HHIPL2: variants seen among roughly 807,000 people sequenced by gnomAD.
The protein encoded by HHIPL2 is HHIP-like protein 2.
In HHIPL2, 61 loss-of-function variants were observed where a neutral mutation model predicts 61.0. That is an observed-to-expected ratio of 1.00 (90% CI 0.81 to 1.24). The LOEUF is 1.24. Ranked by LOEUF, HHIPL2 falls within the 50% of genes most tolerant of loss-of-function variation. The pLI is 0.00. For missense variants in HHIPL2, 885 were observed against 910.2 expected (o/e 0.97, Z 0.36); for synonymous variants, 343 against 357.4 (o/e 0.96, Z 0.45).
At chr1:222,535,046 C>G (rs914798126) in intron 5 of HHIPL2, among the ~76,000 whole-genome samples, 2 of 151,836 alleles carry the variant, frequency 1.3e-5, no homozygotes, top group Non-Finnish European at 2.9e-5. Context: ...TTGCACAAAA[C>G]TAATGATAAA....
rs1259822659 is a variant in HHIPL2 at position 222,543,954 on chromosome 1, C to T, written c.557G>A (p.Arg186Lys). Residue 186 changes from arginine to lysine, a missense_variant, in exon 2 of 9, where the codon AGG becomes AAG. Arg to Lys is a conservative substitution (Grantham distance 26). Coordinates refer to ENST00000343410, the MANE Select transcript of HHIPL2 (RefSeq NM_024746.4). Reference sequence around the variant, plus strand: ...CAGGTGGCGGTTGAGATAGTCGTTCCTCAGGACATTAGGGAAGCAATAGTC... The same window carrying T: ...CAGGTGGCGGTTGAGATAGTCGTTCTTCAGGACATTAGGGAAGCAATAGTC... Reference protein sequence around the residue: ...DKDYCFPNVLRNDYLNRHLGM... With the variant: ...DKDYCFPNVLKNDYLNRHLGM... 1 of 1,614,202 alleles carries T rather than the reference C, an allele frequency of 6.2e-7. No homozygotes were observed. The highest frequency in any genetic ancestry group is 8.5e-7 in the Non-Finnish European group (1 of 1,180,040).
intron 4 of HHIPL2, among the ~76,000 whole-genome samples, chr1:222,539,572 A>AT (rs1461104047): frequency 4.0e-5 from 6 of 151,822 alleles, no homozygotes; most frequent in African/African-American, 1.2e-4. Context: ...AGAAAAAAAA[A>AT]GAAAAGAAAG....
chr1:222,544,879 G>A (rs952081047), intron 1 of HHIPL2, among the ~76,000 whole-genome samples: 3 of 152,160 alleles, frequency 2.0e-5, no homozygotes, highest in African/African-American at 7.2e-5. Flanking sequence ...CAGAGATTAG[G>A]TGTTTAGCAA....
chr1:222,534,593 A>AAAAT (rs1553270416), intron 5 of HHIPL2, among the ~76,000 whole-genome samples: 9,596 of 148,382 alleles, frequency 0.065, 880 homozygotes, highest in East Asian at 0.26. Flanking sequence ...AAAAAAAAAA[A>AAAAT]AAAAATTACA....
chr1:222,531,222 G>T (rs1263860170), intron 6 of HHIPL2, among the ~76,000 whole-genome samples: 1 of 152,120 alleles, frequency 6.6e-6, no homozygotes, highest in Non-Finnish European at 1.5e-5. Context: ...GCAAGGTCAG[G>T]AAAGAACCTG....
chr1:222,542,255 T>G lies in HHIPL2; in HGVS notation c.975-100A>C, dbSNP rs1225708325. On this transcript the variant is annotated intron_variant, in intron 2 of 8. Coordinates refer to ENST00000343410, the MANE Select transcript of HHIPL2 (RefSeq NM_024746.4). ...ATGACTGGGCCAAGCCACCGAGATT[T>G]GCCAAGCCAGCCAAGACCTGCTTCT... 2.1e-6 allele frequency: 3 copies of G among 1,425,912 alleles called. No homozygotes were observed. In the African/African-American group the frequency reaches 4.3e-5, roughly 21 times the overall value. The allele number at this position is 1,425,912 out of a possible 1,614,324, so 88.3% of individuals were successfully genotyped here. A position where few individuals can be genotyped will look rare whatever the true frequency, so the allele number is the denominator to read the frequency against.
At chr1:222,523,929 A>C (rs1007706521) in intron 7 of HHIPL2, 2 of 521,872 alleles carry the variant, frequency 3.8e-6, no homozygotes, top group Non-Finnish European at 6.9e-6. Context: ...AGTTAGGAGT[A>C]TGGGCATGGT....
rs560361302 is a variant in HHIPL2, at chr1:222,537,877, C to T, written c.1577+771G>A. On this transcript the variant is annotated intron_variant, in intron 5 of 8. Transcript: ENST00000343410. The stretch of plus-strand genomic sequence containing the variant: ...AAACACTAAGAGACAGGTAAATATG[C>T]AAGATCTCTACACTGAAGACTATAA... 2.0e-5 allele frequency among the ~76,000 whole-genome samples: 3 copies of T among 151,976 alleles called. No homozygotes were observed. In the South Asian group the frequency reaches 6.2e-4, roughly 32 times the overall value.
chr1:222,536,810 G>A (rs1242635590), intron 5 of HHIPL2, among the ~76,000 whole-genome samples: 4 of 152,056 alleles, frequency 2.6e-5, no homozygotes, highest in Non-Finnish European at 4.4e-5. Context: ...AGCACTTTGG[G>A]AGGCCAAGGT....
intron 1 of HHIPL2, among the ~76,000 whole-genome samples, chr1:222,546,919 G>A (rs1311381214): frequency 2.0e-5 from 3 of 152,198 alleles, no homozygotes; most frequent in African/African-American, 7.2e-5. Context: ...TCAAAAGGCT[G>A]CCTGGACTTC....
chr1:222,534,591 A>ATAAAAAT (rs1267013502), intron 5 of HHIPL2, among the ~76,000 whole-genome samples: 1 of 150,414 alleles, frequency 6.6e-6, no homozygotes, highest in African/African-American at 2.5e-5. Context: ...AAAAAAAAAA[A>ATAAAAAT]AAAAAAATTA....
intron 5 of HHIPL2, among the ~76,000 whole-genome samples, chr1:222,532,866 G>A (rs927900811): frequency 1.3e-5 from 2 of 152,040 alleles, no homozygotes; most frequent in African/African-American, 2.4e-5. Flanking sequence ...ACTACTAACT[G>A]TTATTATTAT....
chr1:222,529,907 T>C (rs1659152412), intron 6 of HHIPL2, among the ~76,000 whole-genome samples: 1 of 151,986 alleles, frequency 6.6e-6, no homozygotes, highest in Non-Finnish European at 1.5e-5. Flanking sequence ...AGTGGACTGA[T>C]AATAAAATAA....
chr1:222,529,010 C>T (rs1457997767), intron 6 of HHIPL2, among the ~76,000 whole-genome samples: 3 of 151,728 alleles, frequency 2.0e-5, no homozygotes, highest in Non-Finnish European at 1.5e-5. Flanking sequence ...TTTGTAGAGA[C>T]GGGGTTTCCC....
chr1:222,522,494 C>G lies in HHIPL2; in HGVS notation c.*107G>C, dbSNP rs1224497488. 1.6e-6 allele frequency: 2 copies of G among 1,261,510 alleles called. No homozygotes were observed. Among genetic ancestry groups the G allele is most frequent in the Non-Finnish European group, 2.2e-6 (2 of 911,042 alleles). The allele number at this position is 1,261,510 out of a possible 1,614,324, so 78.1% of individuals were successfully genotyped here. A position where few individuals can be genotyped will look rare whatever the true frequency, so the allele number is the denominator to read the frequency against. ...AGAGGAAAACCGCCCTGCCCCACCT[C>G]TACCCTGGCTTCCCAGACTTCTAAG... On this transcript the variant is annotated 3_prime_UTR_variant, in exon 9 of 9. Coordinates refer to ENST00000343410, the MANE Select transcript of HHIPL2 (RefSeq NM_024746.4).
Position 222,537,265 on chromosome 1 carries a change from T to A in HHIPL2, c.1577+1383A>T, listed in dbSNP as rs967122207. 2.6e-5 allele frequency among the ~76,000 whole-genome samples: 4 copies of A among 151,290 alleles called. No individual in the cohort carries two copies. The East Asian group carries it at 7.8e-4, about 30-fold the overall frequency. ...TCAAAGGACTAGAAATAAAAGAAAA[T>A]GTCCCCAGCCTGATAAAGGGTGTAT... On this transcript the variant is annotated intron_variant, in intron 5 of 8. Transcript: ENST00000343410.
intron 5 of HHIPL2, 52 bp downstream of exon 5, chr1:222,538,596 A>C (rs745378711): frequency 5.9e-6 from 9 of 1,521,008 alleles, no homozygotes; most frequent in Non-Finnish European, 7.3e-6. Flanking sequence ...GTTATACCTC[A>C]GTAAAAATAT....
chr1:222,538,541 A>G, intron 5 of HHIPL2, 107 bp downstream of exon 5: 9 of 1,045,084 alleles, frequency 8.6e-6, no homozygotes, highest in Non-Finnish European at 1.3e-5. Context: ...TTTGTAAAAC[A>G]TCAAACACCT....
intron 1 of HHIPL2, among the ~76,000 whole-genome samples, chr1:222,545,436 G>C (rs994470931): frequency 5.3e-5 from 8 of 152,128 alleles, no homozygotes; most frequent in Non-Finnish European, 7.3e-5. Flanking sequence ...AGATTCGCAG[G>C]CTCCCCTCGG....
Sources: gnomAD v4.1 joint callset for allele counts (sites outside exome capture counted in the v4.1 genomes callset) on GRCh38, gnomAD v4.1.1 for gene constraint, MANE v1.5 for transcripts, NCBI Gene and HGNC (gene_info 2026-07-23, HGNC 2026-07-21) for gene names.